The following IDS variants were observed in gnomAD, a reference collection of about 807,000 sequenced individuals.
IDS encodes iduronate 2-sulfatase.
Under a neutral mutation model 33.5 loss-of-function variants are expected in IDS, and 1 was observed. That is an observed-to-expected ratio of 0.03 (90% confidence interval 0.01 to 0.14). The LOEUF is 0.14. IDS is among the 10% of genes least tolerant of loss of function. The pLI is 1.00. For missense variants in IDS, 328 were observed against 448.0 expected, an observed-to-expected ratio of 0.73 and a Z score of 2.42; for synonymous variants, 191 against 184.4, an observed-to-expected ratio of 1.04 and a Z score of -0.29.
intron 8 of IDS, among the ~76,000 whole-genome samples, chrX:149,483,976 T>C (rs1043961458): frequency 2.7e-5 from 3 of 112,964 alleles, no homozygotes; most frequent in Non-Finnish European, 1.9e-5. Context: ...TGATGTAGCA[T>C]GTGTCAGTTT....
intron 1 of IDS, 31 bp downstream of exon 1, chrX:149,505,004 G>T: frequency 9.5e-7 from 1 of 1,055,223 alleles, no homozygotes; most frequent in Non-Finnish European, 1.3e-6. Flanking sequence ...GAGGAAGGGA[G>T]AAGAGATGGC....
chrX:149,504,737 AAAG>A (rs1187767220), intron 1 of IDS, among the ~76,000 whole-genome samples: 1 of 99,246 alleles, frequency 1.0e-5, no homozygotes, highest in Non-Finnish European at 2.0e-5. Context: ...TGGAGGGAGG[AAAG>A]GAGGGGGAAA....
At chrX:149,483,613 C>T (rs1431991601) in intron 8 of IDS, among the ~76,000 whole-genome samples, 1 of 112,186 alleles carries the variant, frequency 8.9e-6, no homozygotes, top group Non-Finnish European at 1.9e-5. Context: ...TGGATGTCTG[C>T]ATTAGAGTTA....
chrX:149,492,174 A>G (rs1557338821), intron 6 of IDS, among the ~76,000 whole-genome samples: 1 of 111,891 alleles, frequency 8.9e-6, no homozygotes, highest in Non-Finnish European at 1.9e-5. Context: ...CCTCTGCCTC[A>G]GGGTTATAGA....
intron 1 of IDS, 95 bp from the exon 2 acceptor site, chrX:149,504,388 G>C (rs2089506450): frequency 2.1e-6 from 2 of 941,986 alleles, no homozygotes; most frequent in East Asian, 3.5e-5. Flanking sequence ...CCCAAGGCTG[G>C]ACCCTGCACC....
At chrX:149,484,291 C>A (rs782806265) in intron 8 of IDS, among the ~76,000 whole-genome samples, 19 of 112,549 alleles carry the variant, frequency 1.7e-4, no homozygotes, top group Non-Finnish European at 3.6e-4. Context: ...CCAATTTTTC[C>A]ATATAATCAC....
chrX:149,501,604 C>T (rs141848498), intron 3 of IDS, among the ~76,000 whole-genome samples: 3 of 111,544 alleles, frequency 2.7e-5, no homozygotes, highest in African/African-American at 9.8e-5. Flanking sequence ...CATCGAAGTG[C>T]CAAGTGGGGG....
intron 7 of IDS, 66 bp from the exon 8 acceptor site, chrX:149,487,164 A>G (rs2089344155): frequency 8.3e-7 from 1 of 1,209,543 alleles, no homozygotes; most frequent in African/African-American, 1.7e-5. Context: ...TGTTTATTTT[A>G]GATACCATTT....
Position 149,483,084 on chromosome X carries a change from G to C in IDS, c.1315C>G (p.Leu439Val). The change falls in exon 9 of 9, where the codon CTG becomes GTG. Residue 439 changes from leucine to valine, a missense_variant. Transcript: ENST00000340855. ...VELCREGKNL[L>V]KHFRFRDLEE... Reference sequence around the variant, plus strand: ...AAGTCACGGAATCGAAAATGCTTCAGAAGGTTCTTGCCTTCTCTGCACAGC... The same window carrying C: ...AAGTCACGGAATCGAAAATGCTTCACAAGGTTCTTGCCTTCTCTGCACAGC... 8.3e-7 allele frequency: 1 copy of C among 1,207,621 alleles called. No homozygotes were observed. The highest frequency in any genetic ancestry group is 1.1e-6 in the Non-Finnish European group (1 of 892,524).
intron 6 of IDS, 46 bp from the exon 7 acceptor site, chrX:149,490,486 T>C: frequency 8.6e-7 from 1 of 1,169,105 alleles, no homozygotes; most frequent in South Asian, 1.8e-5. Context: ...GCAATTTAAA[T>C]TGCCAAGGCA....
chrX:149,500,881 T>C, intron 4 of IDS, 68 bp downstream of exon 4: 1 of 667,752 alleles, frequency 1.5e-6, no homozygotes, highest in South Asian at 2.1e-5. Context: ...ACATGCAGTA[T>C]ACCCAGTAGT....
At position 149,479,880 on chromosome X, in the gene IDS, A is replaced by G. The variant is rs782791720; in HGVS notation, c.*2866T>C. On this transcript the variant is annotated 3_prime_UTR_variant, in exon 9 of 9. Coordinates refer to ENST00000340855, the MANE Select transcript of IDS (RefSeq NM_000202.8). Reference sequence around the variant, plus strand: ...ACATCAGTTTTATAATTAGGAAAAAAATACCTTTTTAAAGTAAAGCGAACA... The same window carrying G: ...ACATCAGTTTTATAATTAGGAAAAAGATACCTTTTTAAAGTAAAGCGAACA... The G allele has an allele frequency of 3.6e-4, 56 of 155,058 alleles. No individual in the cohort carries two copies. The highest frequency in any genetic ancestry group is 6.0e-4 in the Non-Finnish European group (49 of 81,189). 12.8% of individuals were successfully genotyped at this position (155,058 alleles called of 1,213,427 possible). A position where few individuals can be genotyped will look rare whatever the true frequency, so the allele number is the denominator to read the frequency against.
At chrX:149,502,983 A>G (rs2089492425) in intron 3 of IDS, 2 of 471,509 alleles carry the variant, frequency 4.2e-6, no homozygotes, top group East Asian at 7.6e-5. Context: ...GGTACCCTGC[A>G]GGGGAGAGGG....
chrX:149,484,956 C>G (rs182468689), intron 8 of IDS, among the ~76,000 whole-genome samples: 128 of 112,200 alleles, frequency 1.1e-3, no homozygotes, highest in African/African-American at 4.0e-3. Flanking sequence ...ACTAGTAACG[C>G]TGGCCATGAA....
intron 6 of IDS, among the ~76,000 whole-genome samples, chrX:149,494,194 GT>G (rs1465104269): frequency 9.0e-6 from 1 of 111,673 alleles, no homozygotes; most frequent in Non-Finnish European, 1.9e-5. Context: ...GACGATAAAG[GT>G]ACTGCAGGAG....
Position 149,482,865 on chromosome X carries a change from C to T in IDS, c.1534G>A (p.Ala512Thr). 8.3e-7 allele frequency: 1 copy of T among 1,211,848 alleles called. No individual in the cohort carries two copies. Among genetic ancestry groups the T allele is most frequent in the Non-Finnish European group, 1.1e-6 (1 of 895,427 alleles). ...CCTGCATGGATGTCAGAAAAGTTAGCTAGAAATTCATCAGGATTGAAGCCA... is the reference window on the plus strand; with the variant it reads ...CCTGCATGGATGTCAGAAAAGTTAGTTAGAAATTCATCAGGATTGAAGCCA... ...WVGFNPDEFL[A>T]NFSDIHAGEL... The change falls in exon 9 of 9, where the codon GCT (alanine) becomes ACT (threonine). Residue 512 changes from alanine to threonine, a missense_variant. Physicochemically the swap from Ala to Thr is moderately conservative, Grantham distance 58. Transcript: ENST00000340855.
intron 8 of IDS, among the ~76,000 whole-genome samples, chrX:149,484,413 C>T (rs994497315): frequency 1.8e-5 from 2 of 112,468 alleles, no homozygotes; most frequent in Non-Finnish European, 3.8e-5. Flanking sequence ...CCTCCGTCTC[C>T]CAGGTTCAAG....
intron 5 of IDS, among the ~76,000 whole-genome samples, chrX:149,497,434 G>T (rs1319452138): frequency 8.9e-6 from 1 of 111,945 alleles, no homozygotes; most frequent in Non-Finnish European, 1.9e-5. Context: ...GCTCCTACTA[G>T]GAAAGCAAGA....
intron 6 of IDS, among the ~76,000 whole-genome samples, chrX:149,495,168 T>A (rs1442356730): frequency 8.9e-6 from 1 of 111,930 alleles, no homozygotes; most frequent in Admixed American, 9.4e-5. Context: ...TAATAAAGCA[T>A]CCAGGTGCAG....
Sources: gnomAD v4.1 joint callset for allele counts (sites outside exome capture counted in the v4.1 genomes callset) on GRCh38, gnomAD v4.1.1 for gene constraint, MANE v1.5 for transcripts, NCBI Gene and HGNC (gene_info 2026-07-23, HGNC 2026-07-21) for gene names.